C1orf21: variants seen among roughly 807,000 people sequenced by gnomAD.
C1orf21 encodes uncharacterized protein C1orf21.
A neutral mutation model predicts 18.7 loss-of-function variants in C1orf21; 3 were observed. The observed-to-expected ratio is 0.16, with a 90% CI of 0.07 to 0.42. The LOEUF (loss-of-function observed/expected upper bound fraction) is 0.42, where lower values mean the gene tolerates loss of function less well. Among genes scored for constraint, C1orf21 ranks in the 10% least tolerant of loss-of-function variants. The pLI is 0.99. For synonymous variants in C1orf21, 41 were observed against 46.4 expected (o/e 0.88, Z 0.47); for missense variants, 104 against 143.6 (o/e 0.72, Z 1.41).
chr1:184,551,755 C>G (rs1291729660), intron 3 of C1orf21, among the ~76,000 whole-genome samples: 1 of 151,880 alleles, frequency 6.6e-6, no homozygotes, highest in Non-Finnish European at 1.5e-5. Flanking sequence ...GCCTATAATC[C>G]CAGCACTTTT....
intron 3 of C1orf21, among the ~76,000 whole-genome samples, chr1:184,509,329 C>T (rs186407272): frequency 1.2e-3 from 184 of 152,250 alleles, no homozygotes; most frequent in African/African-American, 4.3e-3. Flanking sequence ...CAGAATCAGA[C>T]TGAATAGGAA....
At chr1:184,429,238 GAATA>G (rs1372155958) in intron 1 of C1orf21, among the ~76,000 whole-genome samples, 1 of 152,166 alleles carries the variant, frequency 6.6e-6, no homozygotes, top group Non-Finnish European at 1.5e-5. Context: ...AGCATTGAAA[GAATA>G]AATAGATTCT....
At chr1:184,541,072 G>A (rs1384414147) in intron 3 of C1orf21, among the ~76,000 whole-genome samples, 2 of 152,120 alleles carry the variant, frequency 1.3e-5, no homozygotes, top group African/African-American at 4.8e-5. Flanking sequence ...CTGAGATATA[G>A]AGAAACCAAT....
At chr1:184,424,106 G>A (rs1413318778) in intron 1 of C1orf21, among the ~76,000 whole-genome samples, 1 of 151,978 alleles carries the variant, frequency 6.6e-6, no homozygotes, top group Non-Finnish European at 1.5e-5. Context: ...TCTCCTACTG[G>A]TCCTACTTTT....
chr1:184,423,003 C>T (rs1011670541), intron 1 of C1orf21, among the ~76,000 whole-genome samples: 22 of 152,206 alleles, frequency 1.4e-4, no homozygotes, highest in African/African-American at 5.3e-4. Flanking sequence ...CCCTACCATC[C>T]ATTGGCATTA....
chr1:184,477,022 C>A (rs1657581682), intron 1 of C1orf21, among the ~76,000 whole-genome samples: 1 of 152,082 alleles, frequency 6.6e-6, no homozygotes, highest in Non-Finnish European at 1.5e-5. Context: ...GCTCTCCTTC[C>A]TCGACAGTTT....
intron 5 of C1orf21, among the ~76,000 whole-genome samples, chr1:184,613,066 C>T (rs1659763202): frequency 6.6e-6 from 1 of 152,130 alleles, no homozygotes; most frequent in Non-Finnish European, 1.5e-5. Context: ...TCTGCAGTCT[C>T]AGCCTCCCGA....
chr1:184,597,216 T>C (rs1659528386), intron 4 of C1orf21, among the ~76,000 whole-genome samples: 1 of 152,232 alleles, frequency 6.6e-6, no homozygotes, highest in Admixed American at 6.5e-5. Context: ...AATTACGTGA[T>C]ATATGTGAAA....
intron 2 of C1orf21, among the ~76,000 whole-genome samples, chr1:184,480,501 T>A (rs1657637645): frequency 6.6e-6 from 1 of 152,174 alleles, no homozygotes; most frequent in South Asian, 2.1e-4. Flanking sequence ...TCACAACTTG[T>A]ATAGCCAGGA....
intron 2 of C1orf21, among the ~76,000 whole-genome samples, chr1:184,477,949 G>A (rs555415568): frequency 3.3e-4 from 50 of 152,302 alleles, no homozygotes; most frequent in African/African-American, 1.1e-3. Flanking sequence ...GGGTTATACC[G>A]TCTGAGGTGA....
intron 1 of C1orf21, among the ~76,000 whole-genome samples, chr1:184,407,696 T>C (rs1011938400): frequency 2.0e-5 from 3 of 152,090 alleles, no homozygotes; most frequent in Non-Finnish European, 2.9e-5. Context: ...ATGACTTTTG[T>C]GGGGGAGTGG....
Position 184,529,443 on chromosome 1 carries a change from C to T in C1orf21, c.189+21761C>T, listed in dbSNP as rs567564970. Among the ~76,000 whole-genome samples, 5 of 152,330 alleles carry T rather than the reference C, an allele frequency of 3.3e-5. No homozygotes were observed. In the East Asian group the frequency reaches 9.6e-4, roughly 29 times the overall value. On this transcript the variant is annotated intron_variant, in intron 3 of 5. Transcript: ENST00000235307. ...GACATGGAGGAGAAGAACAATCAAA[C>T]TTCTTGGCTGTCAAGATATTTTGAA...
chr1:184,529,665 C>A (rs1236156562), intron 3 of C1orf21, among the ~76,000 whole-genome samples: 1 of 151,896 alleles, frequency 6.6e-6, no homozygotes, highest in Non-Finnish European at 1.5e-5. Context: ...AGAAGATGGA[C>A]AAAGAGCAGT....
At chr1:184,539,081 T>C (rs1658604697) in intron 3 of C1orf21, among the ~76,000 whole-genome samples, 1 of 152,184 alleles carries the variant, frequency 6.6e-6, no homozygotes, top group Admixed American at 6.5e-5. Context: ...GTTCTTGATA[T>C]TAGAGGGGAA....
intron 1 of C1orf21, among the ~76,000 whole-genome samples, chr1:184,474,843 G>A (rs1200966587): frequency 6.6e-6 from 1 of 152,060 alleles, no homozygotes; most frequent in Non-Finnish European, 1.5e-5. Context: ...CTTCCTTTTT[G>A]AACAGTAAGG....
At chr1:184,489,831 T>G (rs1657791085) in intron 2 of C1orf21, among the ~76,000 whole-genome samples, 1 of 152,224 alleles carries the variant, frequency 6.6e-6, no homozygotes, top group Admixed American at 6.5e-5. Context: ...GAAAGGCCAT[T>G]CACCAAAACT....
At chr1:184,566,696 A>ATCTCGGT in intron 3 of C1orf21, 1 of 380,568 alleles carries the variant, frequency 2.6e-6, no homozygotes, top group Non-Finnish European at 5.3e-6. Flanking sequence ...AGTGTCAAAA[A>ATCTCGGT]GGACAAAAAA....
chr1:184,588,888 G>A (rs573981278), intron 3 of C1orf21, among the ~76,000 whole-genome samples: 26 of 152,178 alleles, frequency 1.7e-4, no homozygotes, highest in Admixed American at 3.3e-4. Flanking sequence ...CCCTGGAAGC[G>A]CACTCCTGGG....
chr1:184,614,827 A>C (rs564402808), intron 5 of C1orf21, among the ~76,000 whole-genome samples: 1 of 152,270 alleles, frequency 6.6e-6, no homozygotes, highest in South Asian at 2.1e-4. Flanking sequence ...TCGTGCTCCT[A>C]TGAGAATCTG....
Sources: gnomAD v4.1 joint callset for allele counts (sites outside exome capture counted in the v4.1 genomes callset) on GRCh38, gnomAD v4.1.1 for gene constraint, MANE v1.5 for transcripts, NCBI Gene and HGNC (gene_info 2026-07-23, HGNC 2026-07-21) for gene names.